Variants in HPSE2 observed in about 807,000 individuals in gnomAD.
The protein encoded by HPSE2 is inactive heparanase-2.
In HPSE2, 38 loss-of-function variants were observed where a neutral mutation model predicts 60.5. That is an observed-to-expected ratio of 0.63 (90% CI 0.48 to 0.82). The LOEUF (loss-of-function observed/expected upper bound fraction) is 0.82. Ranked by LOEUF, HPSE2 falls within the 40% of genes least tolerant of loss-of-function variation. The pLI, the probability that HPSE2 is intolerant of heterozygous loss-of-function variation, is 0.00. For synonymous variants in HPSE2, 295 were observed against 293.2 expected (o/e 1.01, Z -0.06); for missense variants, 713 against 740.4 (o/e 0.96, Z 0.43).
At chr10:98,875,119 T>A (rs1952839381) in intron 3 of HPSE2, among the ~76,000 whole-genome samples, 1 of 152,004 alleles carries the variant, frequency 6.6e-6, no homozygotes. Context: ...ATAAAAGAGC[T>A]AGAGAAGCAA....
At chr10:98,529,943 TG>T (rs1231498011) in intron 9 of HPSE2, among the ~76,000 whole-genome samples, 2 of 152,318 alleles carry the variant, frequency 1.3e-5, no homozygotes, top group Non-Finnish European at 2.9e-5. Context: ...GCCATGGTAT[TG>T]AAAAAGGTTT....
intron 9 of HPSE2, among the ~76,000 whole-genome samples, chr10:98,539,446 G>A (rs10444018): frequency 0.28 from 42,826 of 151,986 alleles, 6,462 homozygotes; most frequent in East Asian, 0.48. Flanking sequence ...GCTTGAACCC[G>A]GGAGGCGGAG....
At chr10:98,496,873 G>T (rs577475896) in intron 9 of HPSE2, among the ~76,000 whole-genome samples, 1 of 151,000 alleles carries the variant, frequency 6.6e-6, no homozygotes. Flanking sequence ...CACTTTTTAT[G>T]GTTTTTTGAC....
intron 3 of HPSE2, among the ~76,000 whole-genome samples, chr10:98,981,029 T>C (rs1338294064): frequency 6.6e-6 from 1 of 152,144 alleles, no homozygotes; most frequent in Non-Finnish European, 1.5e-5. Flanking sequence ...TAGCCAAAGA[T>C]GGTAATATGT....
intron 3 of HPSE2, among the ~76,000 whole-genome samples, chr10:99,066,955 C>A (rs1350020625): frequency 2.0e-5 from 3 of 152,198 alleles, no homozygotes; most frequent in African/African-American, 7.2e-5. Context: ...AAGTTAGTTA[C>A]TTCCTAGATA....
rs12357487 is a variant in HPSE2, at chr10:98,658,963, C to G, written c.1005-17023G>C. Among the ~76,000 whole-genome samples the G allele has an allele frequency of 3.9e-3, 588 of 150,460 alleles. 1 individual carries two copies. The highest frequency in any genetic ancestry group is 7.3e-3 in the Admixed American group (110 of 15,092). On this transcript the variant is annotated intron_variant, in intron 6 of 11. Coordinates refer to ENST00000370552, the MANE Select transcript of HPSE2 (RefSeq NM_021828.5). ...AAAACCCACATAACATAAAATTAACCATTTTAAAGTGCAATTTAGTGACGT... is the reference window on the plus strand; with the variant it reads ...AAAACCCACATAACATAAAATTAACGATTTTAAAGTGCAATTTAGTGACGT...
In HPSE2 at chr10:99,074,940, C is replaced by T. The variant is rs979576066; in HGVS notation, c.610+69298G>A. Among the ~76,000 whole-genome samples the T allele has an allele frequency of 5.3e-5, 8 of 151,908 alleles. No homozygotes were observed. In the East Asian group the frequency reaches 1.5e-3, roughly 29 times the overall value. The stretch of plus-strand genomic sequence containing the variant: ...AATTTTATTTATTTGAACCCTCTCC[C>T]CTTTCTTGGTTAATCTTGCTAAAGA... On this transcript the variant is annotated intron_variant, in intron 3 of 11. Transcript: ENST00000370552.
intron 3 of HPSE2, among the ~76,000 whole-genome samples, chr10:99,133,809 G>C (rs966013778): frequency 8.5e-5 from 13 of 152,168 alleles, no homozygotes; most frequent in African/African-American, 3.1e-4. Flanking sequence ...CCAGAATGCT[G>C]CTTCTCCTCC....
At chr10:98,888,640 GCTCAATTACCGT>G (rs1045853609) in intron 3 of HPSE2, among the ~76,000 whole-genome samples, 1 of 152,110 alleles carries the variant, frequency 6.6e-6, no homozygotes, top group African/African-American at 2.4e-5. Context: ...CATGTTAAGT[GCTCAATTACCGT>G]CTCCTTTCTC....
Position 99,021,570 on chromosome 10 carries a change from G to GA in HPSE2, c.610+122667dup, listed in dbSNP as rs111406008. 2.4e-3 allele frequency among the ~76,000 whole-genome samples: 353 copies of GA among 146,926 alleles called. 1 individual carries two copies. The highest frequency in any genetic ancestry group is 8.0e-3 in the African/African-American group (323 of 40,208). ...TTAATTATGACACAACAGCAAATAA[G>GA]AAAAAAAAAATACATAAATGTAATA... On this transcript the variant is annotated intron_variant, in intron 3 of 11. Coordinates refer to ENST00000370552, the MANE Select transcript of HPSE2 (RefSeq NM_021828.5).
chr10:98,550,527 G>GGT (rs1943830901), intron 9 of HPSE2, among the ~76,000 whole-genome samples: 1 of 147,460 alleles, frequency 6.8e-6, no homozygotes, highest in East Asian at 2.0e-4. Flanking sequence ...GGAGTGCAGT[G>GGT]GCACGATCTC....
chr10:98,792,414 C>T (rs1431085671), intron 3 of HPSE2, among the ~76,000 whole-genome samples: 1 of 152,082 alleles, frequency 6.6e-6, no homozygotes, highest in Non-Finnish European at 1.5e-5. Flanking sequence ...GGTGGAGGGG[C>T]TTCTATAACT....
At position 98,742,488 on chromosome 10, in the gene HPSE2, A is replaced by G. The variant is rs148592485; in HGVS notation, c.784+1395T>C. On this transcript the variant is annotated intron_variant, in intron 4 of 11. Transcript: ENST00000370552. ...GAAAATGTTGGAATCAATTTGCATC[A>G]GTAATTTTAAGAGAATTCTTGGTTT... Among the ~76,000 whole-genome samples the G allele has an allele frequency of 2.8e-3, 419 of 152,236 alleles. 1 individual carries two copies. The highest frequency in any genetic ancestry group is 9.8e-3 in the African/African-American group (409 of 41,530).
At chr10:99,261,121 T>G in the HPSE2 span, among the ~76,000 whole-genome samples, 1 of 152,168 alleles carries the variant, frequency 6.6e-6, no homozygotes, top group Non-Finnish European at 1.5e-5. Flanking sequence ...CCCTCCCTAG[T>G]CTCTGCTCCC....
intron 6 of HPSE2, among the ~76,000 whole-genome samples, chr10:98,673,788 C>G (rs1443624900): frequency 1.3e-5 from 2 of 152,048 alleles, no homozygotes; most frequent in Non-Finnish European, 2.9e-5. Flanking sequence ...AGCATGAACT[C>G]CACTCCATAA....
chr10:98,597,174 T>G (rs1015794005), intron 9 of HPSE2, among the ~76,000 whole-genome samples: 1 of 152,056 alleles, frequency 6.6e-6, no homozygotes, highest in African/African-American at 2.4e-5. Context: ...CTACAACACA[T>G]GGGGATTACG....
At chr10:99,164,644 T>A (rs1589758732) in intron 2 of HPSE2, among the ~76,000 whole-genome samples, 1 of 152,272 alleles carries the variant, frequency 6.6e-6, no homozygotes, top group East Asian at 1.9e-4. Context: ...GCTTACTAAC[T>A]GATGTACACA....
intron 3 of HPSE2, among the ~76,000 whole-genome samples, chr10:98,988,765 C>T (rs1782856648): frequency 1.0e-5 from 1 of 95,462 alleles, no homozygotes; most frequent in African/African-American, 3.0e-5. Context: ...GGGCTAATAT[C>T]CAGAATCTAC....
chr10:99,175,079 G>A (rs1252106334), intron 2 of HPSE2, among the ~76,000 whole-genome samples: 4 of 152,110 alleles, frequency 2.6e-5, no homozygotes, highest in Admixed American at 6.5e-5. Context: ...AGTGCATTCC[G>A]GCCCAGATAC....
Sources: allele counts gnomAD v4.1 joint callset (sites outside exome capture counted in the v4.1 genomes callset), GRCh38; gene constraint gnomAD v4.1.1; transcripts MANE v1.5; gene names NCBI Gene and HGNC (gene_info 2026-07-23, HGNC 2026-07-21).